Variants in VDAC1 observed in about 807,000 individuals in gnomAD.
VDAC1 encodes the protein voltage dependent anion channel 1, also known as non-selective voltage-gated ion channel VDAC1.
A neutral mutation model predicts 34.7 loss-of-function variants in VDAC1; 10 were observed. That is an observed-to-expected ratio of 0.29 (90% CI 0.18 to 0.49). VDAC1 has a LOEUF of 0.49. Ranked by LOEUF, VDAC1 falls within the 20% of genes least tolerant of loss-of-function variation. The pLI, the probability that VDAC1 is intolerant of heterozygous loss-of-function variation, is 0.99. For missense variants in VDAC1, 230 were observed against 347.9 expected, an observed-to-expected ratio of 0.66 and a Z score of 2.69; for synonymous variants, 130 against 136.0, an observed-to-expected ratio of 0.96 and a Z score of 0.30.
chr5:134,064,916 T>C, the VDAC1 span, among the ~76,000 whole-genome samples: 4 of 151,870 alleles, frequency 2.6e-5, no homozygotes, highest in Non-Finnish European at 4.4e-5. Flanking sequence ...GATGGGGTCT[T>C]GCCATATTGC....
the VDAC1 span, among the ~76,000 whole-genome samples, chr5:134,010,969 C>CT: frequency 0.29 from 41,346 of 144,076 alleles, 6,262 homozygotes; most frequent in Non-Finnish European, 0.34. Flanking sequence ...CCCCCATTCC[C>CT]TTTTTTTTTT....
rs1408073282 is a variant in VDAC1 at position 133,992,347 on chromosome 5, A to G, written c.76T>C (p.Leu26=). The stretch of plus-strand genomic sequence containing the variant: ...TTTGTTTTCAAATCAAGCTTTATTA[A>G]GCCAAATCCTAAAGAAAGAAGAAGA... ...DVFTKGYGFG[L]IKLDLKTKSE... The change falls in exon 3 of 9, where the codon TTA becomes CTA. Residue 26 remains leucine (L), a synonymous_variant. Transcript: ENST00000265333. 1 of 1,580,476 alleles carries G rather than the reference A, an allele frequency of 6.3e-7. No homozygotes were observed.
At chr5:134,043,526 C>T in the VDAC1 span, among the ~76,000 whole-genome samples, 2 of 119,198 alleles carry the variant, frequency 1.7e-5, no homozygotes, top group East Asian at 3.7e-4. Flanking sequence ...GTAGACTTTT[C>T]TTTTTTCTTT....
chr5:134,068,966 C>CTGTGTGTGTGTG, the VDAC1 span, among the ~76,000 whole-genome samples: 1,317 of 136,646 alleles, frequency 9.6e-3, 17 homozygotes, highest in Middle Eastern at 0.019. Flanking sequence ...TGGGAGGTGA[C>CTGTGTGTGTGTG]TGTGTGTGTG....
At chr5:134,114,136 T>C in the VDAC1 span, among the ~76,000 whole-genome samples, 1 of 152,004 alleles carries the variant, frequency 6.6e-6, no homozygotes, top group Non-Finnish European at 1.5e-5. Context: ...TATACTTATG[T>C]TCGCACTGTA....
At chr5:134,073,819 G>T in the VDAC1 span, among the ~76,000 whole-genome samples, 2 of 152,184 alleles carry the variant, frequency 1.3e-5, no homozygotes, top group Non-Finnish European at 2.9e-5. Flanking sequence ...TTGTGTGTGT[G>T]TGTGTGTGTA....
At chr5:134,073,230 T>C in the VDAC1 span, among the ~76,000 whole-genome samples, 1 of 152,150 alleles carries the variant, frequency 6.6e-6, no homozygotes, top group Non-Finnish European at 1.5e-5. Flanking sequence ...TCCTTGAATA[T>C]TGTCTTCCTA....
chr5:134,109,308 C>G, the VDAC1 span, among the ~76,000 whole-genome samples: 3 of 152,182 alleles, frequency 2.0e-5, no homozygotes, highest in Non-Finnish European at 4.4e-5. Flanking sequence ...GAGGCTGTCT[C>G]CCCAGGCCAC....
intron 7 of VDAC1, 99 bp downstream of exon 7, chr5:133,975,772 T>C: frequency 6.5e-7 from 1 of 1,541,068 alleles, no homozygotes; most frequent in Non-Finnish European, 8.8e-7. Flanking sequence ...TCTCTCACTT[T>C]GAGTAAGCTG....
At chr5:134,067,428 T>TAAAA in the VDAC1 span, among the ~76,000 whole-genome samples, 7 of 96,812 alleles carry the variant, frequency 7.2e-5, no homozygotes, top group African/African-American at 1.6e-4. Context: ...TTACATATTC[T>TAAAA]AAAAAAAAAA....
the VDAC1 span, among the ~76,000 whole-genome samples, chr5:134,099,232 A>C: frequency 6.6e-6 from 1 of 152,212 alleles, no homozygotes; most frequent in Non-Finnish European, 1.5e-5. Context: ...CATCAAAAAA[A>C]GCCAGCATCT....
chr5:133,972,459 T>C lies in VDAC1; in HGVS notation c.*312A>G. ...ATCACAATTTCATTCATTTACTCAA[T>C]ATGAATTTACAAAGTGCCTACATAT... On this transcript the variant is annotated 3_prime_UTR_variant, in exon 9 of 9. Transcript: ENST00000265333. 3 of 443,592 alleles carry C rather than the reference T, an allele frequency of 6.8e-6. No individual in the cohort carries two copies. Among genetic ancestry groups the C allele is most frequent in the African/African-American group, 2.0e-5 (1 of 49,398 alleles). The allele number at this position is 443,592 out of a possible 1,614,324, so 27.5% of individuals were successfully genotyped here.
chr5:134,086,699 TC>T, the VDAC1 span, among the ~76,000 whole-genome samples: 2 of 152,238 alleles, frequency 1.3e-5, no homozygotes, highest in Admixed American at 1.3e-4. Context: ...TCCTTCCCCT[TC>T]CCCTTCCCCT....
the VDAC1 span, among the ~76,000 whole-genome samples, chr5:134,015,076 G>A: frequency 6.6e-6 from 1 of 152,146 alleles, no homozygotes; most frequent in Admixed American, 6.6e-5. Flanking sequence ...GGATGCAGCT[G>A]GAGGCCATTA....
the VDAC1 span, among the ~76,000 whole-genome samples, chr5:134,084,144 T>G: frequency 0.02 from 3,025 of 152,316 alleles, 87 homozygotes; most frequent in African/African-American, 0.068. Flanking sequence ...CAGTGTCCTC[T>G]GGCTTTAAAG....
the VDAC1 span, among the ~76,000 whole-genome samples, chr5:134,010,974 T>TG: frequency 6.6e-6 from 1 of 151,794 alleles, no homozygotes; most frequent in Non-Finnish European, 1.5e-5. Context: ...ATTCCCTTTT[T>TG]TTTTTTTTGT....
At chr5:134,104,011 G>A in the VDAC1 span, among the ~76,000 whole-genome samples, 11 of 152,288 alleles carry the variant, frequency 7.2e-5, no homozygotes, top group Non-Finnish European at 1.3e-4. Flanking sequence ...CAGCCCCAGG[G>A]GCAGATTGGA....
intron 1 of VDAC1, among the ~76,000 whole-genome samples, chr5:133,998,669 C>G (rs915372531): frequency 8.5e-5 from 13 of 152,236 alleles, no homozygotes; most frequent in African/African-American, 3.1e-4. Flanking sequence ...ATTGCAAGAA[C>G]AGATTTAAAC....
At chr5:134,035,276 C>T in the VDAC1 span, among the ~76,000 whole-genome samples, 1 of 152,178 alleles carries the variant, frequency 6.6e-6, no homozygotes, top group African/African-American at 2.4e-5. Context: ...CAAGTTCTCT[C>T]TGTTACCCAG....
Sources: gnomAD v4.1 joint callset for allele counts (sites outside exome capture counted in the v4.1 genomes callset) on GRCh38, gnomAD v4.1.1 for gene constraint, MANE v1.5 for transcripts, NCBI Gene and HGNC (gene_info 2026-07-23, HGNC 2026-07-21) for gene names.